The following BMP1 variants were observed in gnomAD, a reference collection of about 807,000 sequenced individuals.
BMP1 encodes the protein mammalian tolloid protein.
Under a neutral mutation model 116.8 loss-of-function variants are expected in BMP1, and 63 were observed. The ratio of observed to expected loss-of-function variants is 0.54; its 90% CI spans 0.44 to 0.67. The LOEUF (loss-of-function observed/expected upper bound fraction) is 0.67. BMP1 is among the 30% of genes least tolerant of loss of function. The probability of loss-of-function intolerance (pLI) is 0.00; values close to 1 mark genes in which losing one functional copy is unlikely to be tolerated. For synonymous variants in BMP1, 536 were observed against 533.4 expected (o/e 1.00, Z -0.07); for missense variants, 1,183 against 1,358.9 (o/e 0.87, Z 2.04).
chr8:22,201,870 T>C lies in BMP1; in HGVS notation c.2175T>C (p.Tyr725=), dbSNP rs772423054. ...ACTGCGTCAACACGTTCGGCAGTTA[T>C]GAGTGCCAATGCCGCAGTGGCTTCG... ...QQDCVNTFGS[Y]ECQCRSGFVL... is the part of the protein sequence containing the mutation. The change falls in exon 16 of 20, where the codon TAT becomes TAC. Residue 725 remains tyrosine (Y), a synonymous_variant. Coordinates refer to ENST00000306385, the MANE Select transcript of BMP1 (RefSeq NM_006129.5). 4 of 1,613,786 alleles carry C rather than the reference T, an allele frequency of 2.5e-6. No homozygotes were observed. The highest frequency in any genetic ancestry group is 3.3e-4 in the Middle Eastern group (2 of 6,084).
intron 8 of BMP1, among the ~76,000 whole-genome samples, chr8:22,189,923 A>G (rs1000898637): frequency 1.3e-5 from 2 of 151,924 alleles, no homozygotes; most frequent in Admixed American, 1.3e-4. Flanking sequence ...TCTTTATTTT[A>G]TTTTATATTT....
At chr8:22,170,169 C>CTGCCT (rs1400515724) in intron 1 of BMP1, 1 of 152,584 alleles carries the variant, frequency 6.6e-6, no homozygotes, top group Non-Finnish European at 1.5e-5. Context: ...ATGCCCTGCC[C>CTGCCT]TGCCTTGCAC....
At chr8:22,185,828 C>CTTTTTTTTTTTTT (rs71204540) in intron 8 of BMP1, among the ~76,000 whole-genome samples, 7 of 80,958 alleles carry the variant, frequency 8.6e-5, no homozygotes, top group African/African-American at 2.7e-4. Context: ...CACTGTCTTT[C>CTTTTTTTTTTTTT]TTTTTTTTTT....
chr8:22,200,177 C>T (rs536075704), intron 15 of BMP1, among the ~76,000 whole-genome samples: 22 of 152,330 alleles, frequency 1.4e-4, no homozygotes, highest in Admixed American at 5.2e-4. Context: ...TATGTGGCTG[C>T]GGCACACACA....
intron 8 of BMP1, among the ~76,000 whole-genome samples, chr8:22,187,914 G>T (rs1432935607): frequency 1.3e-5 from 2 of 152,110 alleles, no homozygotes; most frequent in Non-Finnish European, 2.9e-5. Context: ...AGGACACGGA[G>T]GCACAGAGGA....
Position 22,201,908 on chromosome 8 carries a change from A to G in BMP1, c.2213A>G (p.Asn738Ser). 1 of 1,613,662 alleles carries G rather than the reference A, an allele frequency of 6.2e-7. No homozygotes were observed. The highest frequency in any genetic ancestry group is 8.5e-7 in the Non-Finnish European group (1 of 1,179,802). ...QCRSGFVLHD[N>S]KHDCKEAGCD... is the part of the protein sequence containing the mutation. Reference sequence around the variant, plus strand: ...CGCAGTGGCTTCGTCCTCCATGACAACAAGCACGACTGCAAAGAAGGTACG... The same window carrying G: ...CGCAGTGGCTTCGTCCTCCATGACAGCAAGCACGACTGCAAAGAAGGTACG... The change falls in exon 16 of 20, where the codon AAC becomes AGC. Residue 738 changes from asparagine (N) to serine (S), a missense_variant. By Grantham distance (46) the Asn-to-Ser change is conservative. Transcript: ENST00000306385.
intron 1 of BMP1, among the ~76,000 whole-genome samples, chr8:22,169,081 A>C (rs4075124): frequency 0.012 from 1,777 of 150,998 alleles, 42 homozygotes; most frequent in African/African-American, 0.041. Context: ...AGCTGGGAGG[A>C]GTTGGAGCTC....
rs1828461515 is a variant in BMP1 at position 22,177,042 on chromosome 8, G to A, written c.633G>A (p.Val211=). Residue 211 remains valine (V), a synonymous_variant, in exon 5 of 20, where the codon GTG becomes GTA. Transcript: ENST00000306385. ...IGKNCDKFGI[V]VHELGHVVGF... ...AGAACTGTGACAAGTTCGGCATTGTGGTCCACGAGCTGGGCCACGTCGTCG... is the reference window on the plus strand; with the variant it reads ...AGAACTGTGACAAGTTCGGCATTGTAGTCCACGAGCTGGGCCACGTCGTCG... 3.0e-5 allele frequency: 48 copies of A among 1,612,840 alleles called. No individual in the cohort carries two copies. The highest frequency in any genetic ancestry group is 4.0e-5 in the Non-Finnish European group (47 of 1,179,618).
rs1829108436 is a variant in BMP1 at position 22,196,858 on chromosome 8, GC to G, written c.1926+19del. 6.2e-7 allele frequency: 1 copy of G among 1,602,286 alleles called. No individual in the cohort carries two copies. Among genetic ancestry groups the G allele is most frequent in the Admixed American group, 1.7e-5 (1 of 59,336 alleles). The stretch of plus-strand genomic sequence containing the variant: ...GCAATGATGTAAGTGCCCACCAGGG[GC>G]TGAGGTGGGGCAGGAAGCTGTGAGG... On this transcript the variant is annotated intron_variant, in intron 14 of 19. Transcript: ENST00000306385.
chr8:22,200,222 C>T (rs1335217519), intron 15 of BMP1, among the ~76,000 whole-genome samples: 1 of 152,204 alleles, frequency 6.6e-6, no homozygotes, highest in African/African-American at 2.4e-5. Flanking sequence ...TGCATTGGGG[C>T]ACAGATTGTG....
At chr8:22,176,733 T>G in intron 4 of BMP1, 83 bp downstream of exon 4, 2 of 1,452,680 alleles carry the variant, frequency 1.4e-6, no homozygotes, top group South Asian at 1.2e-5. Flanking sequence ...TGCCCCCAGC[T>G]GGGCACAGCC....
intron 13 of BMP1, chr8:22,196,374 C>T (rs1006882734): frequency 3.4e-6 from 2 of 587,370 alleles, no homozygotes; most frequent in Non-Finnish European, 6.3e-6. Context: ...GAACTGCTTT[C>T]CCTGAGCCCC....
At chr8:22,177,767 A>G (rs1563245478) in intron 5 of BMP1, 85 bp from the exon 6 acceptor site, 1 of 1,059,630 alleles carries the variant, frequency 9.4e-7, no homozygotes, top group Admixed American at 1.8e-5. Context: ...GAAGGACTCC[A>G]TTCCCTGCCC....
chr8:22,178,022 TCTC>T (rs1828504210), intron 6 of BMP1, 65 bp downstream of exon 6: 10 of 1,302,478 alleles, frequency 7.7e-6, no homozygotes, highest in African/African-American at 4.4e-5. Flanking sequence ...TGTAGGCTAT[TCTC>T]CTCCTGCCTC....
chr8:22,172,430 C>T (rs1310840583), intron 1 of BMP1, among the ~76,000 whole-genome samples: 15 of 151,932 alleles, frequency 9.9e-5, no homozygotes, highest in Non-Finnish European at 1.5e-5. Context: ...CGGAATGGCC[C>T]TTTAGGGAGG....
intron 1 of BMP1, among the ~76,000 whole-genome samples, chr8:22,167,399 T>A (rs1828146618): frequency 6.6e-6 from 1 of 152,186 alleles, no homozygotes; most frequent in Admixed American, 6.5e-5. Flanking sequence ...TCAGGGAGTT[T>A]CCTGCCCCTC....
chr8:22,195,809 G>A (rs572558863), intron 13 of BMP1, among the ~76,000 whole-genome samples: 1 of 152,136 alleles, frequency 6.6e-6, no homozygotes, highest in African/African-American at 2.4e-5. Flanking sequence ...ACCTTGCCTG[G>A]CTAATTTTAA....
intron 9 of BMP1, 99 bp downstream of exon 9, chr8:22,192,250 A>G (rs1037909422): frequency 2.9e-6 from 3 of 1,047,236 alleles, no homozygotes; most frequent in Non-Finnish European, 4.3e-6. Context: ...AACACTGGCC[A>G]GGGATGACAA....
chr8:22,171,114 A>G (rs1011577551), intron 1 of BMP1: 1 of 152,226 alleles, frequency 6.6e-6, no homozygotes, highest in Admixed American at 6.5e-5. Context: ...TTGCCGTCCC[A>G]TCAGTTGCTG....
Sources: allele counts gnomAD v4.1 joint callset (sites outside exome capture counted in the v4.1 genomes callset), GRCh38; gene constraint gnomAD v4.1.1; transcripts MANE v1.5; gene names NCBI Gene and HGNC (gene_info 2026-07-23, HGNC 2026-07-21).